EPS15L1: variants seen among roughly 807,000 people sequenced by gnomAD.
EPS15L1 encodes epidermal growth factor receptor pathway substrate 15 like 1, also known as epidermal growth factor receptor substrate 15-like 1.
Under a neutral mutation model 117.1 loss-of-function variants are expected in EPS15L1, and 43 were observed. That is an observed-to-expected ratio of 0.37 (90% CI 0.29 to 0.47). The LOEUF (loss-of-function observed/expected upper bound fraction) is 0.47. EPS15L1 is among the 20% of genes least tolerant of loss of function. The probability of loss-of-function intolerance (pLI) is 0.99; values close to 1 mark genes in which losing one functional copy is unlikely to be tolerated. For synonymous variants in EPS15L1, 459 were observed against 470.5 expected (o/e 0.98, Z 0.32); for missense variants, 981 against 1,164.0 (o/e 0.84, Z 2.29).
At chr19:16,426,555 C>T (rs1010791735) in intron 8 of EPS15L1, among the ~76,000 whole-genome samples, 4 of 152,160 alleles carry the variant, frequency 2.6e-5, no homozygotes, top group Admixed American at 1.3e-4. Context: ...AGGAGAATCG[C>T]TTGAATCCAG....
chr19:16,364,917 C>T (rs1203353710), intron 22 of EPS15L1, among the ~76,000 whole-genome samples: 2 of 152,248 alleles, frequency 1.3e-5, no homozygotes, highest in East Asian at 1.9e-4. Flanking sequence ...GGCCTCAACA[C>T]AGGTGGGCCC....
Position 16,392,434 on chromosome 19 carries a change from A to G in EPS15L1, c.1973T>C (p.Phe658Ser). The G allele has an allele frequency of 6.2e-7, 1 of 1,614,218 alleles. No homozygotes were observed. The highest frequency in any genetic ancestry group is 2.2e-5 in the East Asian group (1 of 44,892). Residue 658 changes from phenylalanine to serine, a missense_variant, in exon 19 of 24, where the codon TTT (phenylalanine) becomes TCT (serine). By Grantham distance (155) the Phe-to-Ser change is radical (BLOSUM62 -2). This residue lies in a region of EPS15L1 where 819 missense variants were observed against 949.0 expected (regional missense o/e 0.86). Coordinates refer to ENST00000455140, the MANE Select transcript of EPS15L1 (RefSeq NM_001258374.3). ...AEQQTTSTDP[F>S]GGDPFKESDP... is the part of the protein sequence containing the mutation. ...ACTTTCTTTGAAAGGGTCCCCTCCA[A>G]ATGGATCTAGAAGGAAAAATGCCCC...
At chr19:16,408,652 C>T (rs1340800381) in intron 13 of EPS15L1, among the ~76,000 whole-genome samples, 5 of 148,882 alleles carry the variant, frequency 3.4e-5, no homozygotes, top group Non-Finnish European at 5.9e-5. Flanking sequence ...AGTGAGACTC[C>T]GTCTCAAAAA....
chr19:16,375,670 G>A (rs533899135), intron 22 of EPS15L1, among the ~76,000 whole-genome samples: 14 of 152,324 alleles, frequency 9.2e-5, no homozygotes, highest in Admixed American at 7.2e-4. Flanking sequence ...TCTTTGATGT[G>A]TGGCTTACAG....
At chr19:16,432,951 C>T (rs1224499524) in intron 7 of EPS15L1, among the ~76,000 whole-genome samples, 10 of 151,946 alleles carry the variant, frequency 6.6e-5, no homozygotes, top group African/African-American at 2.2e-4. Flanking sequence ...ACTACAGTCA[C>T]GCACCACCAC....
intron 17 of EPS15L1, 118 bp downstream of exon 17, chr19:16,395,226 C>A: frequency 1.6e-5 from 15 of 940,028 alleles, no homozygotes; most frequent in South Asian, 2.0e-5. Context: ...AAAAGGCATT[C>A]CTTTCCCCCT....
chr19:16,401,086 T>C lies in EPS15L1; in HGVS notation c.1791+1235A>G, dbSNP rs1034906780. 10 of 985,256 alleles carry C rather than the reference T, an allele frequency of 1.0e-5. No homozygotes were observed. In the African/African-American group the frequency reaches 1.7e-4, roughly 17 times the overall value. 61.0% of individuals were successfully genotyped at this position (985,256 alleles called of 1,614,324 possible). A position where few individuals can be genotyped will look rare whatever the true frequency, so the allele number is the denominator to read the frequency against. On this transcript the variant is annotated intron_variant, in intron 16 of 23. Coordinates refer to ENST00000455140, the MANE Select transcript of EPS15L1 (RefSeq NM_001258374.3). ...GTAACTCATGAAGGATGAATGCTCA[T>C]CGTTTAAATTTAGACGATAAAGCTG...
At chr19:16,414,216 C>A (rs2092735066) in intron 12 of EPS15L1, among the ~76,000 whole-genome samples, 1 of 152,134 alleles carries the variant, frequency 6.6e-6, no homozygotes, top group Admixed American at 6.5e-5. Context: ...TGGAGTGGCC[C>A]TGGCTGACCT....
chr19:16,442,119 C>T, intron 2 of EPS15L1, 59 bp downstream of exon 2: 3 of 1,543,720 alleles, frequency 1.9e-6, no homozygotes, highest in Non-Finnish European at 2.7e-6. Flanking sequence ...CTATTCTGTA[C>T]TGTGCTTTCA....
At chr19:16,454,712 A>C (rs942534192) in intron 1 of EPS15L1, among the ~76,000 whole-genome samples, 5 of 152,220 alleles carry the variant, frequency 3.3e-5, no homozygotes, top group Non-Finnish European at 7.3e-5. Context: ...CCAACAAGCA[A>C]GAGAACTGCC....
intron 7 of EPS15L1, among the ~76,000 whole-genome samples, chr19:16,434,032 G>A (rs1269545727): frequency 6.6e-6 from 1 of 151,850 alleles, no homozygotes; most frequent in Non-Finnish European, 1.5e-5. Context: ...CAGCACAATG[G>A]AAAGGGGGAA....
chr19:16,398,153 G>A (rs2092559911), intron 16 of EPS15L1, among the ~76,000 whole-genome samples: 1 of 152,222 alleles, frequency 6.6e-6, no homozygotes, highest in South Asian at 2.1e-4. Context: ...GAGGTACAGA[G>A]TTAAGACAAG....
intron 22 of EPS15L1, among the ~76,000 whole-genome samples, chr19:16,368,627 C>A (rs896492928): frequency 6.6e-5 from 10 of 152,002 alleles, no homozygotes; most frequent in Non-Finnish European, 1.2e-4. Flanking sequence ...TCACCCTACA[C>A]AACACAGGCA....
At chr19:16,402,725 C>CA (rs1410334987) in intron 15 of EPS15L1, among the ~76,000 whole-genome samples, 1 of 54 alleles carries the variant, frequency 0.019, no homozygotes, top group African/African-American at 0.17. Context: ...CAAACCAAGA[C>CA]CCATCTCTGC....
rs60857071 is a variant in EPS15L1, at chr19:16,432,066, T to G, written c.498+2299A>C. Among the ~76,000 whole-genome samples the G allele has an allele frequency of 7.7e-4, 117 of 152,298 alleles. No homozygotes were observed. In the East Asian group the frequency reaches 0.018, roughly 23 times the overall value. On this transcript the variant is annotated intron_variant, in intron 7 of 23. Coordinates refer to ENST00000455140, the MANE Select transcript of EPS15L1 (RefSeq NM_001258374.3). ...ACATTTCGGTGTATGATAGGGGCCC[T>G]GGAACCAATCCCCCTAAGTATACCA...
chr19:16,384,854 A>C (rs2092402551), intron 21 of EPS15L1, among the ~76,000 whole-genome samples: 1 of 152,144 alleles, frequency 6.6e-6, no homozygotes, highest in Non-Finnish European at 1.5e-5. Context: ...CGGCCATGGC[A>C]ATGACTTCAC....
intron 18 of EPS15L1, among the ~76,000 whole-genome samples, chr19:16,393,501 T>C (rs1392114346): frequency 6.6e-6 from 1 of 151,106 alleles, no homozygotes; most frequent in African/African-American, 2.4e-5. Context: ...TACAAAAAAT[T>C]AGCCGGGCGT....
At chr19:16,450,618 T>G (rs2145125270) in intron 1 of EPS15L1, among the ~76,000 whole-genome samples, 1 of 151,488 alleles carries the variant, frequency 6.6e-6, no homozygotes, top group Admixed American at 6.6e-5. Flanking sequence ...GTAGCTGGGA[T>G]TACAGATGCA....
Position 16,455,495 on chromosome 19 carries a change from T to C in EPS15L1, c.34-13276A>G, listed in dbSNP as rs542910119. On this transcript the variant is annotated intron_variant, in intron 1 of 23. Transcript: ENST00000455140. ...CTTCCTGCCTCGATGCACTGCCCTG[T>C]GGAGGATGCAGGACTATGCTGAGCC... Among the ~76,000 whole-genome samples, 3 of 152,346 alleles carry C rather than the reference T, an allele frequency of 2.0e-5. No homozygotes were observed. In the South Asian group the frequency reaches 6.2e-4, roughly 32 times the overall value.
Sources: allele counts gnomAD v4.1 joint callset (sites outside exome capture counted in the v4.1 genomes callset), GRCh38; gene constraint gnomAD v4.1.1; regional missense constraint gnomAD v4.1.1; transcripts MANE v1.5; gene names NCBI Gene and HGNC (gene_info 2026-07-23, HGNC 2026-07-21).